Variants in GLG1 observed in about 807,000 individuals in gnomAD.
GLG1 encodes the protein Golgi apparatus protein 1.
GLG1 carries 38 observed loss-of-function variants against 160.5 expected under a neutral mutation model. The observed-to-expected ratio is 0.24, with a 90% confidence interval of 0.18 to 0.31. GLG1 has a LOEUF of 0.31. Ranked by LOEUF, GLG1 falls within the 10% of genes least tolerant of loss-of-function variation. The pLI is 1.00. For synonymous variants in GLG1, 644 were observed against 543.4 expected (o/e 1.19, Z -2.57); for missense variants, 1,373 against 1,505.2 (o/e 0.91, Z 1.45).
chr16:74,521,244 T>C (rs913379004), intron 2 of GLG1, among the ~76,000 whole-genome samples: 1 of 152,138 alleles, frequency 6.6e-6, no homozygotes, highest in African/African-American at 2.4e-5. Flanking sequence ...ATTTGCACGC[T>C]TGCAGGGCAC....
chr16:74,514,949 C>T (rs2016933258), intron 2 of GLG1, among the ~76,000 whole-genome samples: 2 of 151,616 alleles, frequency 1.3e-5, no homozygotes, highest in South Asian at 4.2e-4. Context: ...GGAAGATCTA[C>T]CAAGCAAATG....
At chr16:74,465,144 T>G (rs1275416229) in intron 19 of GLG1, among the ~76,000 whole-genome samples, 1 of 152,188 alleles carries the variant, frequency 6.6e-6, no homozygotes, top group Non-Finnish European at 1.5e-5. Context: ...CTGCCGAACC[T>G]TGAGTTTAAT....
rs367967064 is a variant in GLG1 at position 74,552,022 on chromosome 16, T to C, written c.439-19869A>G. On this transcript the variant is annotated intron_variant, in intron 1 of 25. Coordinates refer to ENST00000422840, the MANE Select transcript of GLG1 (RefSeq NM_001145667.2). ...TAATCTAAAAAGTTTGAAGTTTGCA[T>C]ACCCTTTAAGCCCCACTGCTATGAT... 2.3e-4 allele frequency among the ~76,000 whole-genome samples: 35 copies of C among 152,084 alleles called. No homozygotes were observed. In the East Asian group the frequency reaches 6.4e-3, roughly 28 times the overall value.
At chr16:74,597,718 G>C (rs1958338560) in intron 1 of GLG1, among the ~76,000 whole-genome samples, 1 of 152,082 alleles carries the variant, frequency 6.6e-6, no homozygotes, top group Non-Finnish European at 1.5e-5. Context: ...GCCGGGCATG[G>C]TGGCGGGCGC....
intron 11 of GLG1, among the ~76,000 whole-genome samples, chr16:74,477,959 G>A (rs2015446925): frequency 9.7e-6 from 1 of 102,566 alleles, no homozygotes; most frequent in Admixed American, 9.6e-5. Flanking sequence ...GGCAACAAGA[G>A]CGAAACTCCG....
Position 74,606,749 on chromosome 16 carries a change from C to G in GLG1, c.346G>C (p.Glu116Gln). 1 of 1,613,360 alleles carries G rather than the reference C, an allele frequency of 6.2e-7. No individual in the cohort carries two copies. The highest frequency in any genetic ancestry group is 8.5e-7 in the Non-Finnish European group (1 of 1,179,568). ...CGGGTCACGTCCTCCCTGCAGGACT[C>G]TTCCTCCGCCAGCTTCCAGCCCCCA... ...AGGGWKLAEEESCREDVTRVC... is the reference protein window; with the variant it reads ...AGGGWKLAEEQSCREDVTRVC... Residue 116 changes from glutamate to glutamine, a missense_variant, in exon 1 of 26, where the codon GAG (glutamate) becomes CAG (glutamine). Transcript: ENST00000422840.
At chr16:74,605,707 T>C (rs1050807209) in intron 1 of GLG1, among the ~76,000 whole-genome samples, 15 of 152,076 alleles carry the variant, frequency 9.9e-5, no homozygotes, top group Admixed American at 2.6e-4. Flanking sequence ...GTGGTCTTGC[T>C]ATAGCTTGAA....
rs1190822321 is a variant in GLG1, at chr16:74,465,685, C to A, written c.2658G>T (p.Gln886His). Residue 886 changes from glutamine (Q) to histidine (H), a missense_variant, in exon 19 of 26, where the codon CAG becomes CAT. Gln to His is a conservative substitution (Grantham distance 24). Transcript: ENST00000422840. Reference sequence around the variant, plus strand: ...GGTGTCGGCTTCTCACCTTTATCATCTGCTTGCAGACCCTCATGAGGGTGT... The same window carrying A: ...GGTGTCGGCTTCTCACCTTTATCATATGCTTGCAGACCCTCATGAGGGTGT... ...LDYTLMRVCK[Q>H]MIKRFCPEAD... The A allele has an allele frequency of 6.2e-7, 1 of 1,613,732 alleles. No homozygotes were observed.
Position 74,598,953 on chromosome 16 carries a change from C to T in GLG1, c.438+7704G>A, listed in dbSNP as rs1958373296. On this transcript the variant is annotated intron_variant, in intron 1 of 25. Coordinates refer to ENST00000422840, the MANE Select transcript of GLG1 (RefSeq NM_001145667.2). The stretch of plus-strand genomic sequence containing the variant: ...TAAAGAGGAGATTTTTGTTATTGTT[C>T]CTGAGTAAATTTGTTTTGAACACAT... Among the ~76,000 whole-genome samples the T allele has an allele frequency of 2.6e-5, 4 of 151,462 alleles. No homozygotes were observed. In the South Asian group the frequency reaches 8.3e-4, roughly 31 times the overall value.
chr16:74,501,994 G>C (rs2016420855), intron 4 of GLG1, among the ~76,000 whole-genome samples: 2 of 152,194 alleles, frequency 1.3e-5, no homozygotes, highest in Non-Finnish European at 2.9e-5. Flanking sequence ...TCAGGGCTTT[G>C]GTGACAGCCA....
rs371056322 is a variant in GLG1 at position 74,582,096 on chromosome 16, G to T, written c.438+24561C>A. Among the ~76,000 whole-genome samples, 5 of 152,146 alleles carry T rather than the reference G, an allele frequency of 3.3e-5. No individual in the cohort carries two copies. In the South Asian group the frequency reaches 6.2e-4, roughly 19 times the overall value. ...TCCCTGTTTCTTTGCCTTTAAAACA[G>T]ATTTTCCTAGATAGTAAGATTGGGG... On this transcript the variant is annotated intron_variant, in intron 1 of 25. Transcript: ENST00000422840.
At chr16:74,473,238 G>C (rs2015271003) in intron 13 of GLG1, among the ~76,000 whole-genome samples, 1 of 151,706 alleles carries the variant, frequency 6.6e-6, no homozygotes, top group African/African-American at 2.4e-5. Flanking sequence ...TATTGAGACG[G>C]AGTCTGGCTC....
intron 1 of GLG1, among the ~76,000 whole-genome samples, chr16:74,544,791 C>A (rs941101264): frequency 3.9e-5 from 6 of 152,208 alleles, no homozygotes; most frequent in African/African-American, 1.4e-4. Context: ...TGAGCCACCG[C>A]GCCCGGCCAT....
At chr16:74,545,238 T>G (rs1418338926) in intron 1 of GLG1, among the ~76,000 whole-genome samples, 2 of 152,100 alleles carry the variant, frequency 1.3e-5, no homozygotes, top group Non-Finnish European at 1.5e-5. Flanking sequence ...TAGAGTGCAG[T>G]GGTACAATCT....
rs535693858 is a variant in GLG1, at chr16:74,551,612, ATT to A, written c.439-19461_439-19460del. ...GAATGAGCCACCATGCCCAGCCCTT[ATT>A]TTTTTTTTTTTAAATAAAAGAAAAT... On this transcript the variant is annotated intron_variant, in intron 1 of 25. Coordinates refer to ENST00000422840, the MANE Select transcript of GLG1 (RefSeq NM_001145667.2). Among the ~76,000 whole-genome samples, 1,204 of 143,136 alleles carry A rather than the reference ATT, an allele frequency of 8.4e-3. 16 individuals carry two copies. The highest frequency in any genetic ancestry group is 0.029 in the African/African-American group (1,151 of 39,156). The allele number at this position is 143,136 out of a possible 152,430, so 93.9% of individuals were successfully genotyped here. A position where few individuals can be genotyped will look rare whatever the true frequency, so the allele number is the denominator to read the frequency against.
At chr16:74,465,177 A>G (rs1195843962) in intron 19 of GLG1, among the ~76,000 whole-genome samples, 2 of 152,210 alleles carry the variant, frequency 1.3e-5, no homozygotes, top group Non-Finnish European at 2.9e-5. Context: ...AGATCAGGGA[A>G]CTGACATCTA....
chr16:74,586,087 C>G (rs926442071), intron 1 of GLG1, among the ~76,000 whole-genome samples: 4 of 146,680 alleles, frequency 2.7e-5, no homozygotes, highest in African/African-American at 1.0e-4. Flanking sequence ...AAAACAAGAA[C>G]AGGTGGTAAA....
chr16:74,587,086 C>T (rs545089939), intron 1 of GLG1, among the ~76,000 whole-genome samples: 4 of 152,180 alleles, frequency 2.6e-5, no homozygotes, highest in Non-Finnish European at 5.9e-5. Context: ...ATTTCTACTT[C>T]CACTCATGAG....
chr16:74,540,640 C>A (rs1035007484), intron 1 of GLG1, among the ~76,000 whole-genome samples: 12 of 151,500 alleles, frequency 7.9e-5, no homozygotes, highest in Non-Finnish European at 7.4e-5. Flanking sequence ...ATTTTTTCCT[C>A]CCACCACTCA....
Sources: allele counts gnomAD v4.1 joint callset (sites outside exome capture counted in the v4.1 genomes callset), GRCh38; gene constraint gnomAD v4.1.1; transcripts MANE v1.5; gene names NCBI Gene and HGNC (gene_info 2026-07-23, HGNC 2026-07-21).